The following RPL24 variants were observed in gnomAD, a reference collection of about 807,000 sequenced individuals.
The protein encoded by RPL24 is ribosomal protein L24, also known as large ribosomal subunit protein eL24.
A neutral mutation model predicts 26.4 loss-of-function variants in RPL24; 7 were observed. That is an observed-to-expected ratio of 0.27 (90% confidence interval 0.15 to 0.50). The LOEUF is 0.50. Ranked by LOEUF, RPL24 falls within the 20% of genes least tolerant of loss-of-function variation. The pLI, the probability that RPL24 is intolerant of heterozygous loss-of-function variation, is 0.98. For synonymous variants in RPL24, 67 were observed against 65.2 expected (o/e 1.03, Z -0.13); for missense variants, 109 against 194.9 (o/e 0.56, Z 2.62).
intron 3 of RPL24, among the ~76,000 whole-genome samples, chr3:101,683,271 A>T (rs1937284904): frequency 6.6e-6 from 1 of 152,220 alleles, no homozygotes; most frequent in Admixed American, 6.5e-5. Context: ...TAGGAGAAAT[A>T]AATTAAGACA....
At chr3:101,682,541 T>TAA in intron 4 of RPL24, 49 bp from the exon 5 acceptor site, 1 of 1,440,058 alleles carries the variant, frequency 6.9e-7, no homozygotes, top group Non-Finnish European at 9.7e-7. Context: ...TCCTTAGTGG[T>TAA]ACAACTTATT....
At chr3:101,685,746 C>T (rs1358420380) in intron 3 of RPL24, 72 bp downstream of exon 3, 2 of 817,628 alleles carry the variant, frequency 2.4e-6, no homozygotes, top group African/African-American at 3.4e-5. Context: ...TTTTACAGAG[C>T]AGAAAACCAA....
intron 2 of RPL24, 101 bp from the exon 3 acceptor site, chr3:101,686,029 TATC>T: frequency 1.3e-6 from 1 of 778,926 alleles, no homozygotes; most frequent in South Asian, 1.6e-5. Context: ...AGTTCTGGCT[TATC>T]ATTTTACAAA....
intron 3 of RPL24, 79 bp downstream of exon 3, chr3:101,685,739 T>C: frequency 1.4e-6 from 1 of 738,912 alleles, no homozygotes; most frequent in Non-Finnish European, 2.3e-6. Context: ...GATTTAATTT[T>C]ACAGAGCAGA....
In RPL24 at chr3:101,686,497, G is replaced by A. The variant is rs1432905499; in HGVS notation, c.66C>T (p.Ala22=). The A allele has an allele frequency of 6.2e-6, 10 of 1,614,048 alleles. No homozygotes were observed. Among genetic ancestry groups the A allele is most frequent in the African/African-American group, 1.3e-5 (1 of 74,952 alleles). Residue 22 remains alanine, a synonymous_variant, in exon 2 of 6, where the codon GCC becomes GCT. Transcript: ENST00000394077. ...KIYPGHGRRY[A]RTDGKVFQFL... is the part of the protein sequence containing the mutation. ...GGCTTTTTACCTTCCCGTCGGTCCT[G>A]GCGTAGCGCCTCCCGTGTCCGGGGT... is the stretch of plus-strand genomic sequence containing the variant.
intron 4 of RPL24, 76 bp downstream of exon 4, chr3:101,682,695 T>C: frequency 7.1e-7 from 1 of 1,416,154 alleles, no homozygotes; most frequent in Non-Finnish European, 9.8e-7. Context: ...ATCTATATGG[T>C]AACTTTAATT....
At position 101,686,104 on chromosome 3, in the gene RPL24, G is replaced by T; in HGVS notation, c.82-176C>A. On this transcript the variant is annotated intron_variant, in intron 2 of 5. Coordinates refer to ENST00000394077, the MANE Select transcript of RPL24 (RefSeq NM_000986.4). ...CTGGCAGGTAACTGTGTCACACTAT[G>T]AAGGTCCTTGCGTTTAGTCTTTTCT... is the stretch of plus-strand genomic sequence containing the variant. The T allele has an allele frequency of 1.0e-5, 6 of 591,308 alleles. No homozygotes were observed. In the South Asian group the frequency reaches 1.2e-4, roughly 12 times the overall value. The allele number at this position is 591,308 out of a possible 1,614,324, so 36.6% of individuals were successfully genotyped here.
chr3:101,685,178 T>A (rs1937320087), intron 3 of RPL24, among the ~76,000 whole-genome samples: 1 of 152,154 alleles, frequency 6.6e-6, no homozygotes, highest in Non-Finnish European at 1.5e-5. Flanking sequence ...AATTCCTGTT[T>A]TTTTTTTTCC....
intron 3 of RPL24, 131 bp from the exon 4 acceptor site, chr3:101,683,038 T>C (rs1559992716): frequency 4.7e-6 from 4 of 844,028 alleles, no homozygotes; most frequent in Non-Finnish European, 7.2e-6. Context: ...ATAATTCATA[T>C]ATTTGAAATA....
intron 3 of RPL24, among the ~76,000 whole-genome samples, chr3:101,684,180 T>C (rs1010036924): frequency 2.0e-5 from 3 of 151,666 alleles, no homozygotes; most frequent in African/African-American, 4.9e-5. Flanking sequence ...TTTTTTTTTT[T>C]TTTAAATGGA....
rs2303472 is a variant in RPL24 at position 101,686,021 on chromosome 3, T to C, written c.82-93A>G. 2.1e-4 allele frequency: 170 copies of C among 813,868 alleles called. 1 individual carries two copies. The East Asian group carries it at 3.7e-3, about 18-fold the overall frequency. The allele number at this position is 813,868 out of a possible 1,614,324, so 50.4% of individuals were successfully genotyped here. A position where few individuals can be genotyped will look rare whatever the true frequency, so the allele number is the denominator to read the frequency against. The stretch of plus-strand genomic sequence containing the variant: ...AATCCTTAGAAGATCAATATGCTAG[T>C]TCTGGCTTATCATTTTACAAAACTG... On this transcript the variant is annotated intron_variant, in intron 2 of 5. Transcript: ENST00000394077.
intron 2 of RPL24, 134 bp downstream of exon 2, chr3:101,686,347 AC>A: frequency 1.5e-6 from 1 of 685,888 alleles, no homozygotes. Context: ...GGTCCTAACG[AC>A]CAGTCCACAG....
At chr3:101,686,388 G>T in intron 2 of RPL24, 94 bp downstream of exon 2, 1 of 1,018,660 alleles carries the variant, frequency 9.8e-7, no homozygotes, top group Non-Finnish European at 1.5e-6. Flanking sequence ...AGAGGCCAGT[G>T]GTGATGTGGG....
At position 101,686,690 on chromosome 3, in the gene RPL24, C is replaced by A. The variant is rs146408486; in HGVS notation, c.-14G>T. 6.2e-7 allele frequency: 1 copy of A among 1,614,192 alleles called. No homozygotes were observed. The highest frequency in any genetic ancestry group is 1.1e-5 in the South Asian group (1 of 91,084). On this transcript the variant is annotated 5_prime_UTR_variant, in exon 1 of 6. Coordinates refer to ENST00000394077, the MANE Select transcript of RPL24 (RefSeq NM_000986.4). The stretch of plus-strand genomic sequence containing the variant: ...TGCTTACTTCATGGCGACAGCTCCA[C>A]GGAAAGACAAAAGATGGCGAAAAGA...
intron 3 of RPL24, 90 bp downstream of exon 3, chr3:101,685,728 T>C: frequency 3.0e-6 from 2 of 667,414 alleles, no homozygotes; most frequent in South Asian, 3.7e-5. Flanking sequence ...GCATACAGTC[T>C]GATTTAATTT....
At chr3:101,684,760 AGAGGACCTGTCTCCCC>A (rs1376413534) in intron 3 of RPL24, among the ~76,000 whole-genome samples, 9 of 124,314 alleles carry the variant, frequency 7.2e-5, no homozygotes, top group South Asian at 2.9e-4. Flanking sequence ...CCTGAGCAAC[AGAGGACCTGTCTCCCC>A]AAAAAAAAAA....
intron 2 of RPL24, 163 bp downstream of exon 2, chr3:101,686,319 G>A: frequency 3.2e-6 from 2 of 617,988 alleles, no homozygotes; most frequent in Non-Finnish European, 5.7e-6. Context: ...ATCAACACTG[G>A]TTCACTTAGA....
chr3:101,682,252 G>A lies in RPL24; in HGVS notation c.393+177C>T, dbSNP rs1241063379. 2.0e-5 allele frequency: 12 copies of A among 611,068 alleles called. No homozygotes were observed. The East Asian group carries it at 3.5e-4, about 18-fold the overall frequency. 37.9% of individuals were successfully genotyped at this position (611,068 alleles called of 1,614,324 possible). On this transcript the variant is annotated intron_variant, in intron 5 of 5. Transcript: ENST00000394077. Reference sequence around the variant, plus strand: ...GTGATGGCGCGCACCTGTACTCCCAGCTACTCGGGAGGCTGAGGCAGGAGT... The same window carrying A: ...GTGATGGCGCGCACCTGTACTCCCAACTACTCGGGAGGCTGAGGCAGGAGT...
chr3:101,683,884 G>T (rs988716413), intron 3 of RPL24, among the ~76,000 whole-genome samples: 33 of 151,378 alleles, frequency 2.2e-4, no homozygotes, highest in African/African-American at 8.0e-4. Context: ...GCTAATTTTT[G>T]TATTTTTAGT....
Sources: allele counts gnomAD v4.1 joint callset (sites outside exome capture counted in the v4.1 genomes callset), GRCh38; gene constraint gnomAD v4.1.1; transcripts MANE v1.5; gene names NCBI Gene and HGNC (gene_info 2026-07-23, HGNC 2026-07-21).